KCND3: variants seen among roughly 807,000 people sequenced by gnomAD.
KCND3 encodes A-type voltage-gated potassium channel KCND3.
KCND3 carries 9 observed loss-of-function variants against 51.1 expected under a neutral mutation model. The ratio of observed to expected loss-of-function variants is 0.18; its 90% confidence interval spans 0.11 to 0.31. The LOEUF (loss-of-function observed/expected upper bound fraction) is 0.31, where lower values mean the gene tolerates loss of function less well. KCND3 is among the 10% of genes least tolerant of loss of function. The probability of loss-of-function intolerance (pLI) is 1.00; values close to 1 mark genes in which losing one functional copy is unlikely to be tolerated. For synonymous variants in KCND3, 349 were observed against 368.0 expected, an observed-to-expected ratio of 0.95 and a Z score of 0.59; for missense variants, 526 against 903.8, an observed-to-expected ratio of 0.58 and a Z score of 5.36.
chr1:111,853,168 C>T (rs770186104), intron 2 of KCND3, among the ~76,000 whole-genome samples: 2 of 152,178 alleles, frequency 1.3e-5, no homozygotes, highest in Non-Finnish European at 2.9e-5. Context: ...AGGGTGAGCC[C>T]ATTGTGCTTG....
intron 3 of KCND3, among the ~76,000 whole-genome samples, chr1:111,782,385 A>G (rs1664425396): frequency 6.6e-6 from 1 of 151,904 alleles, no homozygotes; most frequent in Non-Finnish European, 1.5e-5. Context: ...GCTCCTCTTG[A>G]TGAAGGAGAG....
chr1:111,973,412 A>G (rs1674450396), intron 2 of KCND3, among the ~76,000 whole-genome samples: 1 of 152,224 alleles, frequency 6.6e-6, no homozygotes, highest in Admixed American at 6.5e-5. Context: ...GGTGTCCAGA[A>G]TTTGTTTTCA....
At chr1:111,889,352 C>T (rs1322130963) in intron 2 of KCND3, among the ~76,000 whole-genome samples, 1 of 152,212 alleles carries the variant, frequency 6.6e-6, no homozygotes, top group Non-Finnish European at 1.5e-5. Flanking sequence ...GCCTGCAATG[C>T]CTTCACCCAG....
At chr1:111,833,127 T>G (rs1301246266) in intron 2 of KCND3, among the ~76,000 whole-genome samples, 3 of 152,252 alleles carry the variant, frequency 2.0e-5, no homozygotes, top group Admixed American at 2.0e-4. Context: ...TTTTTGCCAG[T>G]TTTGACATCT....
chr1:111,846,358 C>G (rs1667548037), intron 2 of KCND3, among the ~76,000 whole-genome samples: 1 of 152,162 alleles, frequency 6.6e-6, no homozygotes, highest in Non-Finnish European at 1.5e-5. Flanking sequence ...GGAGCTCTTC[C>G]CTGATGTTAC....
At chr1:111,971,999 C>T (rs1027958551) in intron 2 of KCND3, among the ~76,000 whole-genome samples, 8 of 152,172 alleles carry the variant, frequency 5.3e-5, no homozygotes, top group Non-Finnish European at 1.2e-4. Context: ...CCACATTCAT[C>T]CAGAAGACAG....
chr1:111,957,771 G>T (rs901281782), intron 2 of KCND3, among the ~76,000 whole-genome samples: 1 of 152,100 alleles, frequency 6.6e-6, no homozygotes, highest in African/African-American at 2.4e-5. Flanking sequence ...AATAAAATTG[G>T]AACACAGCCA....
chr1:111,783,337 C>T (rs1167183034), intron 3 of KCND3, among the ~76,000 whole-genome samples: 1 of 152,180 alleles, frequency 6.6e-6, no homozygotes, highest in Admixed American at 6.5e-5. Flanking sequence ...CTCCTCCTTC[C>T]CTGAATTTCC....
chr1:111,897,570 A>G (rs979189072), intron 2 of KCND3, among the ~76,000 whole-genome samples: 1 of 152,186 alleles, frequency 6.6e-6, no homozygotes, highest in Non-Finnish European at 1.5e-5. Flanking sequence ...CTAGCTGGGT[A>G]TGTGGGTTTC....
chr1:111,971,301 A>G (rs1674316094), intron 2 of KCND3, among the ~76,000 whole-genome samples: 1 of 150,120 alleles, frequency 6.7e-6, no homozygotes, highest in Non-Finnish European at 1.5e-5. Context: ...GAGGCAAAAA[A>G]AAAAAAAAAA....
At chr1:111,865,437 A>T (rs1161169600) in intron 2 of KCND3, among the ~76,000 whole-genome samples, 1 of 152,238 alleles carries the variant, frequency 6.6e-6, no homozygotes, top group East Asian at 1.9e-4. Context: ...AGGGCTACAC[A>T]GGGAGTGAGC....
chr1:111,781,715 C>T (rs1664396111), intron 3 of KCND3, among the ~76,000 whole-genome samples: 1 of 152,116 alleles, frequency 6.6e-6, no homozygotes, highest in South Asian at 2.1e-4. Context: ...GATGGGGTTT[C>T]ACCATGTATC....
At chr1:111,838,432 C>T (rs566959478) in intron 2 of KCND3, among the ~76,000 whole-genome samples, 20 of 152,094 alleles carry the variant, frequency 1.3e-4, no homozygotes, top group East Asian at 1.9e-4. Flanking sequence ...CCAAGGCGGG[C>T]GGATCACGAG....
At chr1:111,928,900 T>C (rs6667365) in intron 2 of KCND3, among the ~76,000 whole-genome samples, 113,524 of 152,072 alleles carry the variant, frequency 0.75, 44,228 homozygotes, top group Non-Finnish European at 0.88. Context: ...GGAGGAAATA[T>C]CTGCTCTGCA....
chr1:111,783,199 C>CAAAAA (rs67241053), intron 3 of KCND3, among the ~76,000 whole-genome samples: 9 of 72,342 alleles, frequency 1.2e-4, no homozygotes, highest in African/African-American at 1.7e-4. Flanking sequence ...AATTCAAAGA[C>CAAAAA]AAAAAAAAAA....
intron 2 of KCND3, among the ~76,000 whole-genome samples, chr1:111,940,411 T>C (rs892716873): frequency 9.2e-5 from 14 of 152,178 alleles, no homozygotes; most frequent in Admixed American, 9.2e-4. Context: ...GTATAAGGTG[T>C]AAGGAAGGGG....
intron 2 of KCND3, among the ~76,000 whole-genome samples, chr1:111,931,014 C>G (rs1418271060): frequency 1.3e-5 from 2 of 152,228 alleles, no homozygotes; most frequent in Non-Finnish European, 2.9e-5. Context: ...ATGAAGGAAG[C>G]TGATCCACAG....
intron 2 of KCND3, among the ~76,000 whole-genome samples, chr1:111,805,106 G>A (rs1167182420): frequency 3.3e-5 from 5 of 152,224 alleles, no homozygotes; most frequent in African/African-American, 4.8e-5. Context: ...GTGGCATGGA[G>A]GAAAGGGCGG....
chr1:111,799,543 AC>A (rs1665199765), intron 2 of KCND3, among the ~76,000 whole-genome samples: 1 of 151,960 alleles, frequency 6.6e-6, no homozygotes, highest in African/African-American at 2.4e-5. Context: ...ATTCTTGGGA[AC>A]CCTCCTGTTG....
Sources: allele counts gnomAD v4.1 joint callset (sites outside exome capture counted in the v4.1 genomes callset), GRCh38; gene constraint gnomAD v4.1.1; transcripts MANE v1.5; gene names NCBI Gene and HGNC (gene_info 2026-07-23, HGNC 2026-07-21).